CDC5L: variants seen among roughly 807,000 people sequenced by gnomAD.
CDC5L encodes the protein cell division cycle 5 like, also known as cell division cycle 5-like protein.
Under a neutral mutation model 104.1 loss-of-function variants are expected in CDC5L, and 18 were observed. The ratio of observed to expected loss-of-function variants is 0.17; its 90% CI spans 0.12 to 0.26. CDC5L has a LOEUF of 0.26. Ranked by LOEUF, CDC5L falls within the 10% of genes least tolerant of loss-of-function variation. The pLI, the probability that CDC5L is intolerant of heterozygous loss-of-function variation, is 1.00. For synonymous variants in CDC5L, 331 were observed against 322.7 expected, an observed-to-expected ratio of 1.03 and a Z score of -0.28; for missense variants, 673 against 956.9, an observed-to-expected ratio of 0.70 and a Z score of 3.91.
Position 44,399,256 on chromosome 6 carries a change from C to A in CDC5L, c.539+2816C>A, listed in dbSNP as rs72866262. On this transcript the variant is annotated intron_variant, in intron 5 of 15. Transcript: ENST00000371477. ...GTGTGAGCCACTGTGACTGGCCTGT[C>A]TTACTGGTTTTAAATCTTCTCGTCT... 8.6e-3 allele frequency among the ~76,000 whole-genome samples: 1,304 copies of A among 152,204 alleles called. 27 individuals carry two copies. Among genetic ancestry groups the A allele is most frequent in the South Asian group, 0.033 (160 of 4,826 alleles).
At chr6:44,431,570 T>C (rs1471064562) in intron 14 of CDC5L, among the ~76,000 whole-genome samples, 1 of 152,198 alleles carries the variant, frequency 6.6e-6, no homozygotes, top group African/African-American at 2.4e-5. Context: ...GGTAAACTCT[T>C]TTTGCCGCAA....
chr6:44,444,781 G>A (rs1338959561), intron 14 of CDC5L, among the ~76,000 whole-genome samples: 1 of 152,078 alleles, frequency 6.6e-6, no homozygotes, highest in Non-Finnish European at 1.5e-5. Flanking sequence ...ACCACATCTA[G>A]GAGATTTAGG....
At chr6:44,418,370 C>T (rs1791998543) in intron 8 of CDC5L, among the ~76,000 whole-genome samples, 1 of 152,132 alleles carries the variant, frequency 6.6e-6, no homozygotes, top group Non-Finnish European at 1.5e-5. Context: ...TGTATATGTG[C>T]TACATTTTCT....
intron 8 of CDC5L, among the ~76,000 whole-genome samples, chr6:44,415,269 T>A (rs2153379688): frequency 6.6e-6 from 1 of 152,312 alleles, no homozygotes; most frequent in East Asian, 1.9e-4. Context: ...GGGAGCGTAG[T>A]AGTTATTTTG....
At chr6:44,430,470 GGTTTCTTAATATA>G (rs970243117) in intron 14 of CDC5L, among the ~76,000 whole-genome samples, 1 of 148,528 alleles carries the variant, frequency 6.7e-6, no homozygotes, top group African/African-American at 2.5e-5. Flanking sequence ...CAGGACATGT[GGTTTCTTAATATA>G]GTTTGCATAT....
At chr6:44,409,087 A>G (rs1791513657) in intron 8 of CDC5L, among the ~76,000 whole-genome samples, 1 of 152,170 alleles carries the variant, frequency 6.6e-6, no homozygotes, top group Non-Finnish European at 1.5e-5. Flanking sequence ...ATCCAAACCT[A>G]CAAAACATAG....
chr6:44,412,781 CTTTTTTTT>C, intron 8 of CDC5L, among the ~76,000 whole-genome samples: 1 of 106,582 alleles, frequency 9.4e-6, no homozygotes, highest in East Asian at 2.7e-4. Context: ...AGAATAATTT[CTTTTTTTT>C]TTTTTTTTTT....
At chr6:44,427,235 A>G (rs1322721247) in intron 13 of CDC5L, among the ~76,000 whole-genome samples, 3 of 152,206 alleles carry the variant, frequency 2.0e-5, no homozygotes, top group African/African-American at 7.2e-5. Flanking sequence ...GATTTCTTAT[A>G]TGAAGTCTGT....
intron 7 of CDC5L, 23 bp from the exon 8 acceptor site, chr6:44,408,421 C>T (rs770590185): frequency 2.7e-5 from 42 of 1,582,696 alleles, no homozygotes; most frequent in Non-Finnish European, 3.5e-5. Context: ...ATGTTGCTTA[C>T]TATGATAATT....
chr6:44,439,343 T>C (rs1209176617), intron 14 of CDC5L, among the ~76,000 whole-genome samples: 7 of 152,204 alleles, frequency 4.6e-5, no homozygotes, highest in Admixed American at 1.3e-4. Flanking sequence ...TGTGGACATG[T>C]TTTCATTTCT....
At chr6:44,394,258 C>G (rs981632556) in intron 4 of CDC5L, among the ~76,000 whole-genome samples, 1 of 152,000 alleles carries the variant, frequency 6.6e-6, no homozygotes, top group African/African-American at 2.4e-5. Flanking sequence ...ATAACGAGAC[C>G]CTGTCTTTAA....
chr6:44,389,409 A>G (rs574169091), intron 1 of CDC5L, among the ~76,000 whole-genome samples: 2 of 152,328 alleles, frequency 1.3e-5, no homozygotes, highest in Admixed American at 1.3e-4. Context: ...GGAGTGGGGT[A>G]TCTCAAGAGG....
At position 44,429,838 on chromosome 6, in the gene CDC5L, G is replaced by T; in HGVS notation, c.2019G>T (p.Gly673=). ...ACAGTCAAGTTTTATATCTTCCTGG[G>T]CAGAGCCGCTACACACGGGCCAATC... ...ECYSQVLYLP[G]QSRYTRANLA... The change falls in exon 14 of 16, where the codon GGG becomes GGT. Residue 673 remains glycine, a synonymous_variant. Coordinates refer to ENST00000371477, the MANE Select transcript of CDC5L (RefSeq NM_001253.4). The T allele has an allele frequency of 6.2e-7, 1 of 1,614,104 alleles. No homozygotes were observed. The highest frequency in any genetic ancestry group is 8.5e-7 in the Non-Finnish European group (1 of 1,179,978).
At chr6:44,413,272 A>G (rs947038288) in intron 8 of CDC5L, among the ~76,000 whole-genome samples, 2 of 152,064 alleles carry the variant, frequency 1.3e-5, no homozygotes, top group African/African-American at 4.8e-5. Context: ...GGCTTTTTTC[A>G]CTTTGCATTA....
At chr6:44,440,285 A>C (rs1793121877) in intron 14 of CDC5L, among the ~76,000 whole-genome samples, 1 of 144,698 alleles carries the variant, frequency 6.9e-6, no homozygotes, top group Non-Finnish European at 1.5e-5. Context: ...TCTGTTGCTC[A>C]GGCTGGAGTG....
At chr6:44,406,205 T>G in intron 6 of CDC5L, 118 bp from the exon 7 acceptor site, 1 of 784,440 alleles carries the variant, frequency 1.3e-6, no homozygotes. Flanking sequence ...CCTGGCCTTT[T>G]CAGTTATTTT....
chr6:44,408,592 G>T lies in CDC5L; in HGVS notation c.1052G>T (p.Arg351Ile), dbSNP rs1243557682. The T allele has an allele frequency of 1.2e-6, 2 of 1,609,472 alleles. No individual in the cohort carries two copies. The highest frequency in any genetic ancestry group is 3.3e-4 in the Middle Eastern group (2 of 6,038). Residue 351 changes from arginine to isoleucine, a missense_variant, in exon 8 of 16, where the codon AGA becomes ATA. Physicochemically the swap from Arg to Ile is moderately conservative, Grantham distance 97 (BLOSUM62 -3). Around this residue, in one of 4 missense-constraint regions of CDC5L, gnomAD observed 578 missense variants for 737.0 expected, o/e 0.78. Transcript: ENST00000371477. ...YNVTNNSVAL[R>I]TPRTPASQDR... ...GTCACCAACAACAGCGTTGCTCTTA[G>T]AACACCACGAACACCAGCTTCCCAG...
chr6:44,432,856 G>A (rs1792747876), intron 14 of CDC5L, among the ~76,000 whole-genome samples: 1 of 152,144 alleles, frequency 6.6e-6, no homozygotes, highest in African/African-American at 2.4e-5. Flanking sequence ...GACAGCAAGA[G>A]CAAACACAGC....
At chr6:44,407,634 C>T (rs1791434850) in intron 7 of CDC5L, among the ~76,000 whole-genome samples, 1 of 152,096 alleles carries the variant, frequency 6.6e-6, no homozygotes, top group Non-Finnish European at 1.5e-5. Context: ...GCCCAGCTAA[C>T]CCTTTTTTTT....
Sources: gnomAD v4.1 joint callset for allele counts (sites outside exome capture counted in the v4.1 genomes callset) on GRCh38, gnomAD v4.1.1 for gene constraint, gnomAD v4.1.1 regional missense constraint, MANE v1.5 for transcripts, NCBI Gene and HGNC (gene_info 2026-07-23, HGNC 2026-07-21) for gene names.